The following ZHX1 variants were observed in gnomAD, a reference collection of about 807,000 sequenced individuals.
The protein encoded by ZHX1 is zinc fingers and homeoboxes 1, also known as zinc fingers and homeoboxes protein 1.
A neutral mutation model predicts 61.8 loss-of-function variants in ZHX1; 20 were observed. The ratio of observed to expected loss-of-function variants is 0.32; its 90% confidence interval spans 0.23 to 0.47. ZHX1 has a LOEUF of 0.47. ZHX1 is among the 20% of genes least tolerant of loss of function. The pLI is 1.00. For missense variants in ZHX1, 800 were observed against 1,034.8 expected (o/e 0.77, Z 3.11); for synonymous variants, 318 against 352.6 (o/e 0.90, Z 1.10).
intron 1 of ZHX1, among the ~76,000 whole-genome samples, chr8:123,271,801 C>G (rs1221533346): frequency 6.6e-6 from 1 of 152,058 alleles, no homozygotes; most frequent in African/African-American, 2.4e-5. Flanking sequence ...AAAGAACTTA[C>G]AATTATCATT....
intron 2 of ZHX1, among the ~76,000 whole-genome samples, chr8:123,258,088 A>G (rs1008391966): frequency 4.6e-5 from 7 of 152,140 alleles, no homozygotes; most frequent in Admixed American, 3.3e-4. Context: ...TCGATCCCCA[A>G]TCTTGGAGGC....
At chr8:123,264,621 C>T (rs969589351) in intron 2 of ZHX1, among the ~76,000 whole-genome samples, 3 of 152,034 alleles carry the variant, frequency 2.0e-5, no homozygotes, top group African/African-American at 7.2e-5. Context: ...TGCACTGGGG[C>T]AATCTCGGCT....
Position 123,254,475 on chromosome 8 carries a change from T to C in ZHX1, c.1472A>G (p.Asp491Gly), listed in dbSNP as rs765684086. 1 of 1,613,894 alleles carries C rather than the reference T, an allele frequency of 6.2e-7. No homozygotes were observed. The highest frequency in any genetic ancestry group is 8.5e-7 in the Non-Finnish European group (1 of 1,179,974). ...TTTCATAAGTCTGATAATTTCTGAA[T>C]CATGGGGAAACTGATTTTTAAGGTA... ...VSYLKNQFPH[D>G]SEIIRLMKIT... Residue 491 changes from aspartate (D) to glycine (G), a missense_variant, in exon 3 of 4, where the codon GAT (aspartate) becomes GGT (glycine). Coordinates refer to ENST00000395571, the MANE Select transcript of ZHX1 (RefSeq NM_007222.5). This position sits in a 1 kb window ranked among gnomAD's most constrained non-coding sequence, Gnocchi z 4.1.
intron 1 of ZHX1, among the ~76,000 whole-genome samples, chr8:123,267,950 G>A (rs954284759): frequency 6.6e-6 from 1 of 152,164 alleles, no homozygotes; most frequent in African/African-American, 2.4e-5. Context: ...GCAGTGAGCC[G>A]AGATTGCGCC....
intron 3 of ZHX1, chr8:123,252,612 A>G (rs1221071595): frequency 4.6e-5 from 7 of 152,220 alleles, no homozygotes; most frequent in Non-Finnish European, 1.0e-4. Context: ...AATAATTTAT[A>G]TCACAGTTTT....
intron 3 of ZHX1, among the ~76,000 whole-genome samples, chr8:123,250,766 C>G (rs1038392613): frequency 3.3e-5 from 5 of 152,164 alleles, no homozygotes; most frequent in African/African-American, 4.8e-5. Context: ...TTAGAGAAGG[C>G]TATGGTGAAT....
intron 1 of ZHX1, among the ~76,000 whole-genome samples, chr8:123,272,035 A>T (rs1826671563): frequency 1.3e-5 from 2 of 152,252 alleles, no homozygotes; most frequent in Admixed American, 1.3e-4. Flanking sequence ...CTACATGAAC[A>T]TTGAGGAAAC....
At chr8:123,252,126 C>T (rs549357767) in intron 3 of ZHX1, among the ~76,000 whole-genome samples, 73 of 152,224 alleles carry the variant, frequency 4.8e-4, no homozygotes, top group African/African-American at 1.7e-3. Flanking sequence ...TGAGGGTCTA[C>T]GTCTCATTTC....
chr8:123,274,612 G>GC (rs957577706), upstream of ZHX1: 1 of 150,390 alleles, frequency 6.6e-6, no homozygotes, highest in Non-Finnish European at 1.5e-5. Flanking sequence ...GAGGCGCCCC[G>GC]CCCCCCTGTC....
rs566495959 is a variant in ZHX1 at position 123,259,386 on chromosome 8, AT to A, written c.-225-3216del. On this transcript the variant is annotated intron_variant, in intron 2 of 3. Transcript: ENST00000395571. ...ATCTTTTAATCAAATAGGGGTTGCC[AT>A]TTTTTTTTTCAAGTATCAACACAGA... Among the ~76,000 whole-genome samples the A allele has an allele frequency of 9.3e-3, 1,388 of 149,218 alleles. 26 individuals carry two copies. The highest frequency in any genetic ancestry group is 0.032 in the African/African-American group (1,299 of 40,668).
chr8:123,267,105 C>T (rs1826483475), intron 2 of ZHX1, among the ~76,000 whole-genome samples, 168 bp downstream of exon 2: 1 of 152,076 alleles, frequency 6.6e-6, no homozygotes, highest in African/African-American at 2.4e-5. Flanking sequence ...CAGTCCTATA[C>T]TTATAGCTCT....
At chr8:123,252,385 T>C (rs1260752821) in intron 3 of ZHX1, 10 of 152,226 alleles carry the variant, frequency 6.6e-5, no homozygotes, top group African/African-American at 2.4e-4. Flanking sequence ...CTTTAATTAA[T>C]CCAATTTATA....
At chr8:123,261,833 A>AGT (rs1260443826) in intron 2 of ZHX1, among the ~76,000 whole-genome samples, 2 of 152,184 alleles carry the variant, frequency 1.3e-5, no homozygotes, top group African/African-American at 4.8e-5. Flanking sequence ...TTAGCAACTT[A>AGT]ATCAGCTGAA....
At chr8:123,257,756 G>A (rs1196148969) in intron 2 of ZHX1, among the ~76,000 whole-genome samples, 4 of 152,194 alleles carry the variant, frequency 2.6e-5, no homozygotes, top group Non-Finnish European at 5.9e-5. Flanking sequence ...GCAGAGTTCA[G>A]GTGGTAATGC....
intron 1 of ZHX1, among the ~76,000 whole-genome samples, chr8:123,269,329 C>T (rs1000194978): frequency 3.9e-5 from 6 of 152,120 alleles, no homozygotes; most frequent in Non-Finnish European, 7.4e-5. Context: ...CACCAGGATA[C>T]CAGAGGAGCA....
At chr8:123,258,484 T>C (rs1392940083) in intron 2 of ZHX1, among the ~76,000 whole-genome samples, 1 of 152,092 alleles carries the variant, frequency 6.6e-6, no homozygotes, top group Non-Finnish European at 1.5e-5. Flanking sequence ...TAAAACAAAG[T>C]CCCCCAAACT....
In ZHX1 at chr8:123,249,065, A is replaced by G. The variant is rs1443476310; in HGVS notation, c.*1259T>C. On this transcript the variant is annotated 3_prime_UTR_variant, in exon 4 of 4. Coordinates refer to ENST00000395571, the MANE Select transcript of ZHX1 (RefSeq NM_007222.5). ...AAAAACATTTAACCAAGAGCTTAAT[A>G]TTTATTATCCATTAAATTAGAGAAA... 1 of 152,636 alleles carries G rather than the reference A, an allele frequency of 6.6e-6. No individual in the cohort carries two copies. Among genetic ancestry groups the G allele is most frequent in the East Asian group, 1.9e-4 (1 of 5,200 alleles). 9.5% of individuals were successfully genotyped at this position (152,636 alleles called of 1,614,324 possible).
At chr8:123,267,237 C>G in intron 2 of ZHX1, 36 bp downstream of exon 2, 1 of 1,525,702 alleles carries the variant, frequency 6.6e-7, no homozygotes, top group Non-Finnish European at 8.8e-7. Context: ...CATTCAGTAT[C>G]TGAGTTTTAC....
In ZHX1 at chr8:123,253,446, T is replaced by C. The variant is rs988432609; in HGVS notation, c.2501A>G (p.Glu834Gly). 5 of 1,614,042 alleles carry C rather than the reference T, an allele frequency of 3.1e-6. No homozygotes were observed. In the African/African-American group the frequency reaches 5.3e-5, roughly 17 times the overall value. The change falls in exon 3 of 4, where the codon GAA becomes GGA. Residue 834 changes from glutamate to glycine, a missense_variant. Glu to Gly is a moderately conservative substitution (Grantham distance 98). Transcript: ENST00000395571. ...AATAACTTCATCTTCCTCCTCATTT[T>C]CCTCAAATAATTCTATACCTAATTC... ...RSELGIELFE[E>G]NEEEDEVIDD...
Sources: gnomAD v4.1 joint callset for allele counts (sites outside exome capture counted in the v4.1 genomes callset) on GRCh38, gnomAD v4.1.1 for gene constraint, Gnocchi (gnomAD v3.1) non-coding constraint, MANE v1.5 for transcripts, NCBI Gene and HGNC (gene_info 2026-07-23, HGNC 2026-07-21) for gene names.